Variants in TOP1 observed in about 807,000 individuals in gnomAD.
TOP1 encodes the protein DNA topoisomerase I.
Under a neutral mutation model 111.1 loss-of-function variants are expected in TOP1, and 10 were observed. That is an observed-to-expected ratio of 0.09 (90% CI 0.06 to 0.15). The LOEUF (loss-of-function observed/expected upper bound fraction) is 0.15. Among genes scored for constraint, TOP1 ranks in the 10% least tolerant of loss-of-function variants. The pLI, the probability that TOP1 is intolerant of heterozygous loss-of-function variation, is 1.00. For missense variants in TOP1, 474 were observed against 926.7 expected, an observed-to-expected ratio of 0.51 and a Z score of 6.34; for synonymous variants, 271 against 302.9, an observed-to-expected ratio of 0.89 and a Z score of 1.10.
At chr20:41,089,966 A>G (rs745977634) in intron 8 of TOP1, among the ~76,000 whole-genome samples, 11 of 150,332 alleles carry the variant, frequency 7.3e-5, no homozygotes, top group Non-Finnish European at 1.5e-4. Flanking sequence ...TCTTTGCCCC[A>G]CCCCCACGTG....
chr20:41,044,364 G>C (rs558710885), intron 2 of TOP1, among the ~76,000 whole-genome samples: 1 of 152,358 alleles, frequency 6.6e-6, no homozygotes, highest in South Asian at 2.1e-4. Flanking sequence ...AAATTCCAGT[G>C]TTGTCTTCTA....
Position 41,037,107 on chromosome 20 carries a change from T to G in TOP1, c.58+7652T>G, listed in dbSNP as rs376537302. 2.2e-3 allele frequency among the ~76,000 whole-genome samples: 330 copies of G among 152,230 alleles called. 1 individual carries two copies. Among genetic ancestry groups the G allele is most frequent in the African/African-American group, 6.5e-3 (271 of 41,530 alleles). On this transcript the variant is annotated intron_variant, in intron 2 of 20. Coordinates refer to ENST00000361337, the MANE Select transcript of TOP1 (RefSeq NM_003286.4). ...GGCCTCCCAAAGTGCTGGGATTACA[T>G]GCATGAGCCACCGCGCCAAGCCTAA...
rs2034427086 is a variant in TOP1 at position 41,121,786 on chromosome 20, A to C, written c.2041A>C (p.Lys681Gln). 1 of 1,614,038 alleles carries C rather than the reference A, an allele frequency of 6.2e-7. No homozygotes were observed. The highest frequency in any genetic ancestry group is 8.5e-7 in the Non-Finnish European group (1 of 1,179,822). ...DAKVMKDAKT[K>Q]KVVESKKKAV... ...CAAGGTCATGAAGGATGCAAAGACGAAGAAGTATGTACCTGGTATTGTGAA... is the reference window on the plus strand; with the variant it reads ...CAAGGTCATGAAGGATGCAAAGACGCAGAAGTATGTACCTGGTATTGTGAA... Residue 681 changes from lysine to glutamine, a missense_variant, in exon 19 of 21, where the codon AAG becomes CAG. Around this residue, in one of 14 missense-constraint regions of TOP1, gnomAD observed 36 missense variants for 42.3 expected, o/e 0.85. Transcript: ENST00000361337. This position sits in a 1 kb window ranked among gnomAD's most constrained non-coding sequence, Gnocchi z 4.2.
Position 41,121,025 on chromosome 20 carries a change from A to G in TOP1, c.1951-671A>G, listed in dbSNP as rs1225994440. Among the ~76,000 whole-genome samples, 4 of 152,310 alleles carry G rather than the reference A, an allele frequency of 2.6e-5. No individual in the cohort carries two copies. In the East Asian group the frequency reaches 5.8e-4, roughly 22 times the overall value. ...CCAAAGTGCTGGGATTACAGGCGTG[A>G]GACACCGCGCCTGGTGACCGCTCTC... On this transcript the variant is annotated intron_variant, in intron 18 of 20. Coordinates refer to ENST00000361337, the MANE Select transcript of TOP1 (RefSeq NM_003286.4). This position sits in a 1 kb window ranked among gnomAD's most constrained non-coding sequence, Gnocchi z 4.2.
At chr20:41,096,170 G>C (rs532855141) in intron 9 of TOP1, among the ~76,000 whole-genome samples, 1 of 152,144 alleles carries the variant, frequency 6.6e-6, no homozygotes, top group Non-Finnish European at 1.5e-5. Context: ...GGGTTCAAGC[G>C]ATTCTCATGC....
chr20:41,051,080 G>T (rs931018968), intron 2 of TOP1, among the ~76,000 whole-genome samples: 3 of 152,082 alleles, frequency 2.0e-5, no homozygotes, highest in African/African-American at 7.2e-5. Context: ...CTTTCCTTAT[G>T]CGCTAGTTGT....
At chr20:41,072,835 C>CA in intron 3 of TOP1, 4 of 985,422 alleles carry the variant, frequency 4.1e-6, no homozygotes, top group Non-Finnish European at 4.8e-6. Flanking sequence ...CTGTCCTTAA[C>CA]CCTCAATCAT....
intron 2 of TOP1, among the ~76,000 whole-genome samples, chr20:41,054,274 A>G (rs2033441341): frequency 6.6e-6 from 1 of 152,032 alleles, no homozygotes; most frequent in Admixed American, 6.6e-5. Flanking sequence ...ATGAGGTCCG[A>G]TGGTTTTATA....
In TOP1 at chr20:41,121,831, A is replaced by C. The variant is rs766711293; in HGVS notation, c.2045+41A>C. On this transcript the variant is annotated intron_variant, in intron 19 of 20. Transcript: ENST00000361337. The surrounding 1 kb of genome is among the most constrained non-coding windows in gnomAD (Gnocchi z 4.2). ...TGTGAAAGTTGGGGCTGGTAGAGAA[A>C]AGTGTGCAGCATCTGTCAGGGCCCC... 1.3e-6 allele frequency: 2 copies of C among 1,598,242 alleles called. No individual in the cohort carries two copies. The highest frequency in any genetic ancestry group is 2.2e-5 in the South Asian group (2 of 90,716).
At chr20:41,113,177 T>C (rs575356133) in intron 14 of TOP1, among the ~76,000 whole-genome samples, 128 of 152,340 alleles carry the variant, frequency 8.4e-4, no homozygotes, top group African/African-American at 3.0e-3. Flanking sequence ...AAATAAACCA[T>C]GCAGGTATCA....
chr20:41,042,956 G>A (rs6029523), intron 2 of TOP1, among the ~76,000 whole-genome samples: 1 of 152,192 alleles, frequency 6.6e-6, no homozygotes, highest in African/African-American at 2.4e-5. Flanking sequence ...TTGTTGAGTA[G>A]GCTGAGGGGG....
At chr20:41,040,791 G>A (rs1448803204) in intron 2 of TOP1, among the ~76,000 whole-genome samples, 10 of 128,098 alleles carry the variant, frequency 7.8e-5, no homozygotes, top group African/African-American at 3.0e-4. Context: ...GGGAGACAGC[G>A]AGGCATCGTC....
At chr20:41,081,614 A>T (rs2033789680) in intron 7 of TOP1, among the ~76,000 whole-genome samples, 1 of 152,206 alleles carries the variant, frequency 6.6e-6, no homozygotes, top group African/African-American at 2.4e-5. Context: ...TTTTTTGCTG[A>T]TCATTCACTT....
chr20:41,056,606 G>A (rs2033474574), intron 2 of TOP1, among the ~76,000 whole-genome samples: 1 of 152,070 alleles, frequency 6.6e-6, no homozygotes, highest in African/African-American at 2.4e-5. Context: ...CTCACCCTCA[G>A]AGCAGCCAGT....
intron 2 of TOP1, among the ~76,000 whole-genome samples, chr20:41,031,935 G>C (rs1439803694): frequency 6.6e-6 from 1 of 152,164 alleles, no homozygotes; most frequent in Non-Finnish European, 1.5e-5. Context: ...TTCTGACATT[G>C]GTGTAATTAT....
intron 13 of TOP1, among the ~76,000 whole-genome samples, chr20:41,107,606 A>T (rs780723001): frequency 2.6e-5 from 4 of 151,688 alleles, no homozygotes; most frequent in Middle Eastern, 3.4e-3. Context: ...TTCTTTCTAG[A>T]TTTTACATCT....
chr20:41,100,613 CTTTTTCCTTCTTCACAATT>C lies in TOP1; in HGVS notation c.1163+372_1163+390del, dbSNP rs1018576243. ...ACAACAGCAAAACTAGCACGACTTT[CTTTTTCCTTCTTCACAATT>C]TCACAGATGGAAGGTTAATTCTTAC... On this transcript the variant is annotated intron_variant, in intron 12 of 20. Coordinates refer to ENST00000361337, the MANE Select transcript of TOP1 (RefSeq NM_003286.4). The surrounding 1 kb of genome is among the most constrained non-coding windows in gnomAD (Gnocchi z 4.4). The C allele has an allele frequency of 1.7e-5, 3 of 181,530 alleles. No homozygotes were observed. Among genetic ancestry groups the C allele is most frequent in the African/African-American group, 7.0e-5 (3 of 42,652 alleles). 11.2% of individuals were successfully genotyped at this position (181,530 alleles called of 1,614,324 possible).
intron 2 of TOP1, among the ~76,000 whole-genome samples, chr20:41,049,736 G>A (rs2122607709): frequency 6.6e-6 from 1 of 152,310 alleles, no homozygotes; most frequent in African/African-American, 2.4e-5. Context: ...CACTTAAGTG[G>A]CACTCAGTAA....
At chr20:41,107,774 G>A (rs1234142170) in intron 13 of TOP1, among the ~76,000 whole-genome samples, 1 of 152,036 alleles carries the variant, frequency 6.6e-6, no homozygotes, top group Non-Finnish European at 1.5e-5. Flanking sequence ...CTTTTAACTG[G>A]GAGGTGTTTT....
Sources: allele counts gnomAD v4.1 joint callset (sites outside exome capture counted in the v4.1 genomes callset), GRCh38; gene constraint gnomAD v4.1.1; regional missense constraint gnomAD v4.1.1; non-coding constraint Gnocchi (gnomAD v3.1); transcripts MANE v1.5; gene names NCBI Gene and HGNC (gene_info 2026-07-23, HGNC 2026-07-21).